The following MITF variants were observed in gnomAD, a reference collection of about 807,000 sequenced individuals.
The protein encoded by MITF is microphthalmia-associated transcription factor.
A neutral mutation model predicts 60.5 loss-of-function variants in MITF; 17 were observed. The ratio of observed to expected loss-of-function variants is 0.28; its 90% CI spans 0.19 to 0.42. The LOEUF is 0.42. Among genes scored for constraint, MITF ranks in the 10% least tolerant of loss-of-function variants. MITF has a pLI of 1.00. For missense variants in MITF, 622 were observed against 683.5 expected (o/e 0.91, Z 1.00); for synonymous variants, 260 against 248.5 (o/e 1.05, Z -0.43).
intron 1 of MITF, among the ~76,000 whole-genome samples, chr3:69,780,878 A>G (rs546428839): frequency 6.6e-6 from 1 of 152,298 alleles, no homozygotes; most frequent in African/African-American, 2.4e-5. Flanking sequence ...TCACTGTGGG[A>G]AGGGACTGCA....
intron 5 of MITF, among the ~76,000 whole-genome samples, chr3:69,946,076 G>A (rs1037528055): frequency 2.0e-5 from 3 of 152,290 alleles, no homozygotes; most frequent in South Asian, 2.1e-4. Flanking sequence ...TTAGAATACT[G>A]TATTGTTAAT....
At chr3:69,863,957 G>GT (rs1399926099) in intron 1 of MITF, among the ~76,000 whole-genome samples, 3 of 151,798 alleles carry the variant, frequency 2.0e-5, no homozygotes, top group South Asian at 2.1e-4. Flanking sequence ...TTTTTCATTT[G>GT]TTTTTTTCAC....
intron 1 of MITF, among the ~76,000 whole-genome samples, chr3:69,785,005 T>C (rs2062624932): frequency 6.6e-6 from 1 of 151,850 alleles, no homozygotes; most frequent in Non-Finnish European, 1.5e-5. Context: ...TTTATTTTCC[T>C]TGTTATCTTT....
chr3:69,836,162 T>C (rs954548062), intron 1 of MITF, among the ~76,000 whole-genome samples: 1 of 152,204 alleles, frequency 6.6e-6, no homozygotes, highest in Non-Finnish European at 1.5e-5. Flanking sequence ...CCTTGTTTTA[T>C]AGTTTTCATT....
chr3:69,938,775 T>C, intron 3 of MITF: 1 of 1,337,624 alleles, frequency 7.5e-7, no homozygotes, highest in Non-Finnish European at 9.6e-7. Flanking sequence ...CTCAATGGGA[T>C]TTACCGTACT....
intron 2 of MITF, among the ~76,000 whole-genome samples, chr3:69,918,299 C>T: frequency 6.6e-6 from 1 of 152,170 alleles, no homozygotes; most frequent in Non-Finnish European, 1.5e-5. Flanking sequence ...CTGCCTGCCT[C>T]AGCCTCCCAC....
intron 1 of MITF, among the ~76,000 whole-genome samples, chr3:69,801,199 C>T (rs1374073276): frequency 6.6e-6 from 1 of 151,874 alleles, no homozygotes; most frequent in Non-Finnish European, 1.5e-5. Flanking sequence ...TTTTGTATTC[C>T]ATTGTTTCGA....
chr3:69,961,096 A>G (rs2066530746), intron 9 of MITF, among the ~76,000 whole-genome samples: 1 of 152,240 alleles, frequency 6.6e-6, no homozygotes, highest in Non-Finnish European at 1.5e-5. Flanking sequence ...TTATAAAAGC[A>G]GCTTGTGGGC....
chr3:69,839,405 T>C (rs1374969429), intron 1 of MITF, among the ~76,000 whole-genome samples: 1 of 151,796 alleles, frequency 6.6e-6, no homozygotes, highest in Admixed American at 6.6e-5. Context: ...AAGTTTAACC[T>C]TAATTACTTT....
chr3:69,939,740 T>G (rs2065927386), intron 4 of MITF, among the ~76,000 whole-genome samples: 1 of 152,190 alleles, frequency 6.6e-6, no homozygotes, highest in African/African-American at 2.4e-5. Flanking sequence ...GCAACAAAAT[T>G]TGTTGCCTTT....
At chr3:69,858,666 G>A (rs2063960946) in intron 1 of MITF, among the ~76,000 whole-genome samples, 1 of 152,098 alleles carries the variant, frequency 6.6e-6, no homozygotes, top group Admixed American at 6.5e-5. Context: ...ACTATCAGAA[G>A]TTACAGATAC....
intron 9 of MITF, among the ~76,000 whole-genome samples, chr3:69,961,256 G>A (rs140610341): frequency 0.027 from 4,059 of 151,738 alleles, 200 homozygotes; most frequent in African/African-American, 0.092. Context: ...GGTGGCGGGC[G>A]CCTGTAATCC....
intron 2 of MITF, among the ~76,000 whole-genome samples, chr3:69,884,163 A>G (rs935898938): frequency 2.0e-5 from 3 of 152,138 alleles, no homozygotes; most frequent in Non-Finnish European, 4.4e-5. Context: ...GATTTAAACA[A>G]TGCAGCAGAA....
At chr3:69,765,049 A>G (rs1405905321) in intron 1 of MITF, among the ~76,000 whole-genome samples, 1 of 152,198 alleles carries the variant, frequency 6.6e-6, no homozygotes, top group Non-Finnish European at 1.5e-5. Context: ...AAGTGTGCAC[A>G]CAGGATGGCT....
At chr3:69,952,882 A>G (rs1251739802) in intron 7 of MITF, among the ~76,000 whole-genome samples, 1 of 152,154 alleles carries the variant, frequency 6.6e-6, no homozygotes, top group African/African-American at 2.4e-5. Context: ...TTGAAAACAA[A>G]TTGCATAGTA....
intron 2 of MITF, among the ~76,000 whole-genome samples, chr3:69,921,374 C>T (rs535083560): frequency 3.3e-5 from 5 of 152,258 alleles, no homozygotes; most frequent in East Asian, 3.9e-4. Flanking sequence ...AGTTGATGTT[C>T]GGAATGACTC....
chr3:69,926,381 A>G lies in MITF; in HGVS notation c.355-11441A>G, dbSNP rs569726569. On this transcript the variant is annotated intron_variant, in intron 2 of 9. Transcript: ENST00000352241. ...AAACCAGTAGCATTCAGCAGCTCTC[A>G]TCTCTGCCTAGGGGCTTTCTGACCT... Among the ~76,000 whole-genome samples, 10 of 152,298 alleles carry G rather than the reference A, an allele frequency of 6.6e-5. No individual in the cohort carries two copies. The East Asian group carries it at 1.2e-3, about 18-fold the overall frequency.
chr3:69,949,837 A>T (rs535758806), intron 6 of MITF, among the ~76,000 whole-genome samples: 26 of 152,288 alleles, frequency 1.7e-4, no homozygotes, highest in Admixed American at 9.8e-4. Context: ...GCATTCTACC[A>T]TGGTGAATTT....
At chr3:69,818,047 G>C (rs2063209737) in intron 1 of MITF, among the ~76,000 whole-genome samples, 1 of 152,076 alleles carries the variant, frequency 6.6e-6, no homozygotes, top group Non-Finnish European at 1.5e-5. Flanking sequence ...TTCATACTTA[G>C]GTATGAAGTA....
Sources: allele counts gnomAD v4.1 joint callset (sites outside exome capture counted in the v4.1 genomes callset), GRCh38; gene constraint gnomAD v4.1.1; transcripts MANE v1.5; gene names NCBI Gene and HGNC (gene_info 2026-07-23, HGNC 2026-07-21).